LMBR1: variants seen among roughly 807,000 people sequenced by gnomAD.
LMBR1 encodes limb region 1 protein homolog.
Under a neutral mutation model 73.9 loss-of-function variants are expected in LMBR1, and 52 were observed. The ratio of observed to expected loss-of-function variants is 0.70; its 90% CI spans 0.56 to 0.89. The LOEUF (loss-of-function observed/expected upper bound fraction) is 0.89. LMBR1 is among the 40% of genes least tolerant of loss of function. The probability of loss-of-function intolerance (pLI) is 0.00; values close to 1 mark genes in which losing one functional copy is unlikely to be tolerated. For missense variants in LMBR1, 539 were observed against 579.8 expected, an observed-to-expected ratio of 0.93 and a Z score of 0.72; for synonymous variants, 215 against 209.4, an observed-to-expected ratio of 1.03 and a Z score of -0.23.
At chr7:156,890,381 A>T (rs1481155604) in intron 1 of LMBR1, among the ~76,000 whole-genome samples, 1 of 152,256 alleles carries the variant, frequency 6.6e-6, no homozygotes, top group Admixed American at 6.5e-5. Context: ...TATCATTAAA[A>T]GTGAAAGGCA....
At chr7:156,753,610 T>C (rs548200558) in intron 9 of LMBR1, among the ~76,000 whole-genome samples, 41 of 152,110 alleles carry the variant, frequency 2.7e-4, no homozygotes, top group African/African-American at 9.6e-4. Flanking sequence ...AGAAATGGGA[T>C]GTATAGAGAC....
intron 15 of LMBR1, among the ~76,000 whole-genome samples, chr7:156,722,455 C>T (rs1814792247): frequency 6.6e-6 from 1 of 152,094 alleles, no homozygotes; most frequent in Non-Finnish European, 1.5e-5. Context: ...TTTGCATTTC[C>T]CATAATGCTA....
intron 4 of LMBR1, among the ~76,000 whole-genome samples, chr7:156,808,822 A>G (rs774516415): frequency 6.6e-6 from 1 of 152,146 alleles, no homozygotes; most frequent in Non-Finnish European, 1.5e-5. Context: ...TGCTCTGCCA[A>G]TGAAATAGCC....
chr7:156,772,583 C>T (rs1464621148), intron 5 of LMBR1, among the ~76,000 whole-genome samples: 3 of 151,946 alleles, frequency 2.0e-5, no homozygotes, highest in Non-Finnish European at 1.5e-5. Context: ...TGTGGTGGCT[C>T]GCACCTGTAA....
intron 4 of LMBR1, among the ~76,000 whole-genome samples, chr7:156,819,664 C>G (rs750821657): frequency 3.3e-5 from 5 of 152,108 alleles, no homozygotes; most frequent in Non-Finnish European, 7.4e-5. Context: ...AAGGAAATAA[C>G]CAGACCGTTC....
chr7:156,870,289 T>C (rs1213641992), intron 1 of LMBR1, among the ~76,000 whole-genome samples: 1 of 152,144 alleles, frequency 6.6e-6, no homozygotes, highest in African/African-American at 2.4e-5. Flanking sequence ...GGAATACTTC[T>C]CCAGGAGAGA....
chr7:156,762,293 G>A lies in LMBR1; in HGVS notation c.620-95C>T. Reference sequence around the variant, plus strand: ...GACTGTAAAAATAAGGGAAATTCAAGGATTATCATTTTAAGAACATTCTTC... The same window carrying A: ...GACTGTAAAAATAAGGGAAATTCAAAGATTATCATTTTAAGAACATTCTTC... On this transcript the variant is annotated intron_variant, in intron 7 of 16. Transcript: ENST00000353442. 2.9e-5 allele frequency: 22 copies of A among 771,714 alleles called. 1 individual carries two copies. In the South Asian group the frequency reaches 3.4e-4, roughly 12 times the overall value. 47.8% of individuals were successfully genotyped at this position (771,714 alleles called of 1,614,324 possible). A position where few individuals can be genotyped will look rare whatever the true frequency, so the allele number is the denominator to read the frequency against.
At chr7:156,694,080 C>G (rs563766762) in intron 15 of LMBR1, among the ~76,000 whole-genome samples, 1 of 152,230 alleles carries the variant, frequency 6.6e-6, no homozygotes, top group Non-Finnish European at 1.5e-5. Flanking sequence ...TAGAAAAGAG[C>G]AACTGACAAA....
chr7:156,791,793 T>C (rs1265095757), intron 5 of LMBR1, among the ~76,000 whole-genome samples: 1 of 152,218 alleles, frequency 6.6e-6, no homozygotes, highest in Non-Finnish European at 1.5e-5. Context: ...CAGGGATGTC[T>C]GGATGGTTTG....
chr7:156,818,276 C>T (rs1465833754), intron 4 of LMBR1, among the ~76,000 whole-genome samples: 4 of 152,116 alleles, frequency 2.6e-5, no homozygotes, highest in East Asian at 1.9e-4. Context: ...AACAGTGTAT[C>T]GCCTATTCCT....
chr7:156,803,280 A>T (rs1359410647), intron 4 of LMBR1, among the ~76,000 whole-genome samples: 8 of 152,132 alleles, frequency 5.3e-5, no homozygotes, highest in Admixed American at 1.3e-4. Flanking sequence ...TCCAGAATCT[A>T]CAATGAACTC....
At chr7:156,762,364 T>A (rs1456187047) in intron 7 of LMBR1, among the ~76,000 whole-genome samples, 166 bp from the exon 8 acceptor site, 2 of 152,168 alleles carry the variant, frequency 1.3e-5, no homozygotes, top group Non-Finnish European at 2.9e-5. Context: ...CTCTTCACCA[T>A]CATCAATAAA....
chr7:156,803,694 G>GT, intron 4 of LMBR1, among the ~76,000 whole-genome samples: 1 of 152,050 alleles, frequency 6.6e-6, no homozygotes, highest in South Asian at 2.1e-4. Context: ...ACATGCACAC[G>GT]TATGTTTATT....
At chr7:156,739,382 G>A (rs548709251) in intron 9 of LMBR1, among the ~76,000 whole-genome samples, 1 of 152,348 alleles carries the variant, frequency 6.6e-6, no homozygotes, top group Non-Finnish European at 1.5e-5. Flanking sequence ...TCACCCTGAA[G>A]GTTAGGACAC....
chr7:156,751,212 A>G (rs56411276), intron 9 of LMBR1, among the ~76,000 whole-genome samples: 67,065 of 151,976 alleles, frequency 0.44, 15,128 homozygotes, highest in East Asian at 0.6. Context: ...AAAAAATGCT[A>G]TAGAAAAAAA....
intron 5 of LMBR1, among the ~76,000 whole-genome samples, chr7:156,780,289 T>A (rs1826896347): frequency 6.6e-6 from 1 of 152,196 alleles, no homozygotes; most frequent in Non-Finnish European, 1.5e-5. Context: ...AAGAAAGTGC[T>A]TGGGGTAAGC....
At chr7:156,689,121 T>C (rs748552101) in intron 15 of LMBR1, among the ~76,000 whole-genome samples, 2 of 152,290 alleles carry the variant, frequency 1.3e-5, no homozygotes, top group Middle Eastern at 3.4e-3. Context: ...AATGAGCACA[T>C]GGCCAGGTCC....
chr7:156,870,486 C>T (rs55690050), intron 1 of LMBR1, among the ~76,000 whole-genome samples: 10,299 of 152,248 alleles, frequency 0.068, 387 homozygotes, highest in East Asian at 0.14. Flanking sequence ...TCTCAAGATG[C>T]CGGGCGCAGT....
Position 156,836,877 on chromosome 7 carries a change from G to A in LMBR1, c.75C>T (p.Phe25=). ...CAACGTAGAGAATGGCAAAAAGAAG[G>A]AAACATATCTGAAACAAAACGAAGT... ...HSQVRESTIC[F]LLFAILYVVS... The change falls in exon 2 of 17, where the codon TTC becomes TTT. Residue 25 remains phenylalanine (F), a synonymous_variant. Coordinates refer to ENST00000353442, the MANE Select transcript of LMBR1 (RefSeq NM_022458.4). 3.2e-6 allele frequency: 5 copies of A among 1,571,734 alleles called. 1 individual carries two copies. In the South Asian group the frequency reaches 5.8e-5, roughly 18 times the overall value.
Sources: allele counts gnomAD v4.1 joint callset (sites outside exome capture counted in the v4.1 genomes callset), GRCh38; gene constraint gnomAD v4.1.1; transcripts MANE v1.5; gene names NCBI Gene and HGNC (gene_info 2026-07-23, HGNC 2026-07-21).